CALN1: variants seen among roughly 807,000 people sequenced by gnomAD.
CALN1 encodes calneuron 1, also known as calcium-binding protein 8.
In CALN1, 17 loss-of-function variants were observed where a neutral mutation model predicts 30.6. The ratio of observed to expected loss-of-function variants is 0.56; its 90% CI spans 0.38 to 0.83. CALN1 has a LOEUF of 0.83. Ranked by LOEUF, CALN1 falls within the 40% of genes least tolerant of loss-of-function variation. The pLI is 0.00. For synonymous variants in CALN1, 156 were observed against 131.4 expected (o/e 1.19, Z -1.28); for missense variants, 291 against 354.9 (o/e 0.82, Z 1.45).
chr7:72,151,260 C>T (rs1787222317), intron 3 of CALN1, among the ~76,000 whole-genome samples: 1 of 152,156 alleles, frequency 6.6e-6, no homozygotes, highest in South Asian at 2.1e-4. Context: ...CTGCTCGCTT[C>T]TTGGAGTCTG....
At chr7:72,311,257 CA>C (rs1800026240) in intron 2 of CALN1, among the ~76,000 whole-genome samples, 1 of 152,110 alleles carries the variant, frequency 6.6e-6, no homozygotes, top group African/African-American at 2.4e-5. Flanking sequence ...TTACTAATAA[CA>C]TTTTATTTTA....
In CALN1 at chr7:72,230,591, TG is replaced by T. The variant is rs1265175281; in HGVS notation, c.244+48094del. On this transcript the variant is annotated intron_variant, in intron 3 of 6. Coordinates refer to ENST00000395275, the MANE Select transcript of CALN1 (RefSeq NM_031468.4). ...GATGCTCCACTGCTGCCTTTGAAGA[TG>T]GAAGAGGAGATATGAGCTAAGGAAT... Among the ~76,000 whole-genome samples, 12 of 150,912 alleles carry T rather than the reference TG, an allele frequency of 8.0e-5. No individual in the cohort carries two copies. The East Asian group carries it at 2.3e-3, about 29-fold the overall frequency.
At chr7:72,209,566 T>C (rs1427974635) in intron 3 of CALN1, among the ~76,000 whole-genome samples, 2 of 151,088 alleles carry the variant, frequency 1.3e-5, no homozygotes, top group African/African-American at 4.9e-5. Context: ...TCTCTCCCTC[T>C]CTTTCTCTTT....
intron 2 of CALN1, among the ~76,000 whole-genome samples, chr7:72,306,138 A>G (rs1202240637): frequency 2.0e-5 from 3 of 152,204 alleles, no homozygotes; most frequent in African/African-American, 4.8e-5. Context: ...ACACTGGTAT[A>G]ACATGACAAG....
intron 2 of CALN1, among the ~76,000 whole-genome samples, chr7:72,361,983 C>T (rs189448383): frequency 3.2e-4 from 49 of 151,832 alleles, no homozygotes; most frequent in African/African-American, 6.8e-4. Flanking sequence ...TTTTTTAATG[C>T]GAGTTCTAGA....
At chr7:71,799,001 GGCTCCCACCCCCT>G (rs1787139694) in intron 6 of CALN1, among the ~76,000 whole-genome samples, 1 of 152,066 alleles carries the variant, frequency 6.6e-6, no homozygotes, top group African/African-American at 2.4e-5. Context: ...TCAACAGCAA[GGCTCCCACCCCCT>G]GCATTTGGTT....
At chr7:72,127,386 GCA>G (rs1446584644) in intron 3 of CALN1, among the ~76,000 whole-genome samples, 1 of 152,104 alleles carries the variant, frequency 6.6e-6, no homozygotes, top group Non-Finnish European at 1.5e-5. Flanking sequence ...GGCAGATTAT[GCA>G]CATTTTGTGT....
At chr7:72,126,477 C>G (rs1395608550) in intron 3 of CALN1, among the ~76,000 whole-genome samples, 1 of 152,114 alleles carries the variant, frequency 6.6e-6, no homozygotes, top group Non-Finnish European at 1.5e-5. Context: ...ACTTCTTTTC[C>G]TTTGGGTAGG....
intron 3 of CALN1, among the ~76,000 whole-genome samples, chr7:72,144,975 T>G (rs1334894172): frequency 6.6e-6 from 1 of 151,852 alleles, no homozygotes; most frequent in Non-Finnish European, 1.5e-5. Context: ...TAAAGCAGTG[T>G]GTAGAGGGAA....
At chr7:72,464,639 G>GC in the CALN1 span, among the ~76,000 whole-genome samples, 1 of 152,136 alleles carries the variant, frequency 6.6e-6, no homozygotes, top group Non-Finnish European at 1.5e-5. Flanking sequence ...CAAGAGCAAA[G>GC]CCCACTGCAG....
chr7:72,461,864 C>A, the CALN1 span, among the ~76,000 whole-genome samples: 1 of 152,064 alleles, frequency 6.6e-6, no homozygotes, highest in Non-Finnish European at 1.5e-5. Flanking sequence ...AAAAATTAGC[C>A]CAGCATGGTT....
intron 3 of CALN1, among the ~76,000 whole-genome samples, chr7:72,107,983 A>G (rs76334914): frequency 6.6e-6 from 1 of 152,204 alleles, no homozygotes; most frequent in Non-Finnish European, 1.5e-5. Flanking sequence ...TGGCATGATC[A>G]TTACCACAAA....
chr7:72,103,295 G>A, intron 4 of CALN1: 1 of 179,834 alleles, frequency 5.6e-6, no homozygotes, highest in Non-Finnish European at 1.2e-5. Flanking sequence ...GAGTTTGAGG[G>A]TGGTATGAAG....
At chr7:72,404,826 T>G (rs1462476751) in intron 1 of CALN1, among the ~76,000 whole-genome samples, 2 of 152,142 alleles carry the variant, frequency 1.3e-5, no homozygotes, top group Non-Finnish European at 1.5e-5. Context: ...TTGTTGCAGG[T>G]TGTTGTAAAT....
intron 5 of CALN1, among the ~76,000 whole-genome samples, chr7:72,014,006 A>G (rs1335410110): frequency 2.6e-5 from 4 of 151,962 alleles, no homozygotes; most frequent in Non-Finnish European, 5.9e-5. Flanking sequence ...TGTATGATTT[A>G]CAAATTTACA....
intron 5 of CALN1, among the ~76,000 whole-genome samples, chr7:71,986,057 T>C (rs1461707121): frequency 8.8e-6 from 1 of 113,188 alleles, no homozygotes; most frequent in Non-Finnish European, 1.7e-5. Flanking sequence ...AATCTTTCTC[T>C]TTTTTTTTTG....
chr7:72,258,410 G>C (rs1293360920), intron 3 of CALN1, among the ~76,000 whole-genome samples: 1 of 152,144 alleles, frequency 6.6e-6, no homozygotes, highest in Non-Finnish European at 1.5e-5. Context: ...ACAGCTACTG[G>C]GTTTAGACCG....
chr7:72,322,406 G>A (rs1217939896), intron 2 of CALN1, among the ~76,000 whole-genome samples: 1 of 152,176 alleles, frequency 6.6e-6, no homozygotes, highest in Non-Finnish European at 1.5e-5. Context: ...TGGGTAGCCT[G>A]GTTCCTAACA....
rs200002923 is a variant in CALN1 at position 72,234,004 on chromosome 7, A to AAAAT, written c.244+44678_244+44681dup. Among the ~76,000 whole-genome samples, 5 of 152,132 alleles carry AAAAT rather than the reference A, an allele frequency of 3.3e-5. No homozygotes were observed. The East Asian group carries it at 9.6e-4, about 29-fold the overall frequency. On this transcript the variant is annotated intron_variant, in intron 3 of 6. Coordinates refer to ENST00000395275, the MANE Select transcript of CALN1 (RefSeq NM_031468.4). ...GGGCAACAGAGCAAGATGTTGTCTCAAAATAAATAAATAAACAAACAAACA... is the reference window on the plus strand; with the variant it reads ...GGGCAACAGAGCAAGATGTTGTCTCAAAATAAATAAATAAATAAACAAACAAACA...
Sources: allele counts gnomAD v4.1 joint callset (sites outside exome capture counted in the v4.1 genomes callset), GRCh38; gene constraint gnomAD v4.1.1; transcripts MANE v1.5; gene names NCBI Gene and HGNC (gene_info 2026-07-23, HGNC 2026-07-21).